Variants in TBC1D32 observed in about 807,000 individuals in gnomAD.
The protein encoded by TBC1D32 is TBC1 domain family member 32, also known as protein broad-minded.
In TBC1D32, 151 loss-of-function variants were observed where a neutral mutation model predicts 170.3. The observed-to-expected ratio is 0.89, with a 90% CI of 0.78 to 1.01. TBC1D32 has a LOEUF of 1.01. Among genes scored for constraint, TBC1D32 ranks in the 50% least tolerant of loss-of-function variants. TBC1D32 has a pLI of 0.00. For missense variants in TBC1D32, 1,464 were observed against 1,457.1 expected (o/e 1.00, Z -0.08); for synonymous variants, 498 against 488.0 (o/e 1.02, Z -0.27).
intron 30 of TBC1D32, among the ~76,000 whole-genome samples, chr6:121,100,639 G>T (rs1777931406): frequency 6.6e-6 from 1 of 152,040 alleles, no homozygotes. Flanking sequence ...AAGCAGGAAA[G>T]ATCTAAAATT....
chr6:121,114,575 C>T (rs779094487), intron 27 of TBC1D32, among the ~76,000 whole-genome samples: 10 of 151,968 alleles, frequency 6.6e-5, no homozygotes, highest in Admixed American at 1.3e-4. Flanking sequence ...TATAAAAATA[C>T]CCAGCTTTTT....
At chr6:121,281,856 G>A (rs1371307442) in intron 13 of TBC1D32, among the ~76,000 whole-genome samples, 170 bp from the exon 14 acceptor site, 1 of 151,572 alleles carries the variant, frequency 6.6e-6, no homozygotes, top group African/African-American at 2.4e-5. Context: ...ACCTGACTTA[G>A]GGGAATCTCA....
intron 22 of TBC1D32, among the ~76,000 whole-genome samples, chr6:121,187,962 C>T (rs1240982122): frequency 6.6e-6 from 1 of 152,106 alleles, no homozygotes; most frequent in East Asian, 1.9e-4. Context: ...GGCACCTTGA[C>T]ATATATTCTG....
chr6:121,315,559 C>T (rs971373589), intron 3 of TBC1D32, among the ~76,000 whole-genome samples: 13 of 151,992 alleles, frequency 8.6e-5, no homozygotes, highest in African/African-American at 3.1e-4. Context: ...GAATTAAAGC[C>T]CATTCTATTC....
chr6:121,109,619 TA>T (rs1418919357), intron 29 of TBC1D32, among the ~76,000 whole-genome samples: 8 of 152,124 alleles, frequency 5.3e-5, no homozygotes, highest in African/African-American at 1.7e-4. Context: ...CCATAAAGAA[TA>T]ACTATTTCAA....
intron 20 of TBC1D32, 55 bp downstream of exon 20, chr6:121,239,015 C>A: frequency 2.0e-6 from 2 of 976,626 alleles, no homozygotes; most frequent in East Asian, 2.5e-5. Context: ...TGAACGAATT[C>A]ATTTCTGTGA....
intron 15 of TBC1D32, among the ~76,000 whole-genome samples, chr6:121,257,989 T>A (rs1398470301): frequency 6.6e-6 from 1 of 152,140 alleles, no homozygotes; most frequent in Non-Finnish European, 1.5e-5. Flanking sequence ...CAGCTCACAG[T>A]AAAGTAGTTG....
chr6:121,329,735 T>A (rs1583795025), intron 1 of TBC1D32, among the ~76,000 whole-genome samples: 2 of 152,090 alleles, frequency 1.3e-5, no homozygotes, highest in African/African-American at 2.4e-5. Context: ...ACTAATTTTT[T>A]AAAAAATATT....
intron 12 of TBC1D32, among the ~76,000 whole-genome samples, chr6:121,289,241 T>C (rs1804407744): frequency 6.6e-6 from 1 of 152,176 alleles, no homozygotes; most frequent in African/African-American, 2.4e-5. Flanking sequence ...GACATGATTG[T>C]ATATCTAGAA....
intron 21 of TBC1D32, among the ~76,000 whole-genome samples, chr6:121,216,392 T>C (rs1793830508): frequency 6.6e-6 from 1 of 152,128 alleles, no homozygotes; most frequent in South Asian, 2.1e-4. Context: ...TCTATAGGTA[T>C]ATTTATGTCT....
intron 22 of TBC1D32, among the ~76,000 whole-genome samples, chr6:121,173,717 C>G (rs1413613617): frequency 6.6e-6 from 1 of 151,680 alleles, no homozygotes; most frequent in East Asian, 1.9e-4. Flanking sequence ...ATGGGGGGTA[C>G]CAGGGGAGGG....
chr6:121,186,985 A>G (rs973995410), intron 22 of TBC1D32, among the ~76,000 whole-genome samples: 1 of 152,114 alleles, frequency 6.6e-6, no homozygotes, highest in African/African-American at 2.4e-5. Flanking sequence ...AGATATTAGT[A>G]CTGAATTATT....
chr6:121,304,511 T>C lies in TBC1D32; in HGVS notation c.873+11A>G. On this transcript the variant is annotated intron_variant, in intron 7 of 31. Coordinates refer to ENST00000398212, the MANE Select transcript of TBC1D32 (RefSeq NM_152730.6). ...AAATAAAAATGAAAGCATATTGTAG[T>C]AAATGGATACCTTTTTAAGTAAGCG... 1.2e-6 allele frequency: 2 copies of C among 1,604,852 alleles called. No homozygotes were observed. Among genetic ancestry groups the C allele is most frequent in the Non-Finnish European group, 8.5e-7 (1 of 1,174,280 alleles).
At chr6:121,313,171 G>A (rs1012636719) in intron 3 of TBC1D32, among the ~76,000 whole-genome samples, 1 of 139,310 alleles carries the variant, frequency 7.2e-6, no homozygotes, top group Non-Finnish European at 1.5e-5. Flanking sequence ...TGTGTGTGTA[G>A]AGACCTTGTC....
intron 17 of TBC1D32, among the ~76,000 whole-genome samples, chr6:121,247,583 C>A (rs1257070773): frequency 2.0e-5 from 3 of 148,564 alleles, no homozygotes; most frequent in Non-Finnish European, 4.5e-5. Context: ...TCACTTAACA[C>A]ATGACTCACA....
At chr6:121,283,777 G>T in intron 13 of TBC1D32, 41 bp downstream of exon 13, 1 of 1,413,328 alleles carries the variant, frequency 7.1e-7, no homozygotes, top group Non-Finnish European at 9.8e-7. Flanking sequence ...AATATTTTTA[G>T]ATGTTTTATA....
At chr6:121,319,636 T>C (rs1809415163) in intron 2 of TBC1D32, among the ~76,000 whole-genome samples, 1 of 152,178 alleles carries the variant, frequency 6.6e-6, no homozygotes, top group South Asian at 2.1e-4. Context: ...GTAGGGATAA[T>C]GGTACTTAAA....
intron 17 of TBC1D32, among the ~76,000 whole-genome samples, chr6:121,245,054 G>A (rs1041072740): frequency 2.6e-5 from 4 of 152,208 alleles, no homozygotes; most frequent in African/African-American, 9.6e-5. Flanking sequence ...CTGTGCCTAG[G>A]AAGGAGAAAA....
In TBC1D32 at chr6:121,135,846, C is replaced by T. The variant is rs186127333; in HGVS notation, c.2774-4094G>A. On this transcript the variant is annotated intron_variant, in intron 24 of 31. Transcript: ENST00000398212. ...TCCCAGAAAGGTCACACCTTGGTAA[C>T]AGGTAAAATTAGTCTTAAAGTAAGG... Among the ~76,000 whole-genome samples the T allele has an allele frequency of 3.9e-5, 6 of 152,146 alleles. No individual in the cohort carries two copies. The East Asian group carries it at 1.2e-3, about 29-fold the overall frequency.
Sources: gnomAD v4.1 joint callset for allele counts (sites outside exome capture counted in the v4.1 genomes callset) on GRCh38, gnomAD v4.1.1 for gene constraint, MANE v1.5 for transcripts, NCBI Gene and HGNC (gene_info 2026-07-23, HGNC 2026-07-21) for gene names.